Variants in HCN1 observed in about 807,000 individuals in gnomAD.
The protein encoded by HCN1 is hyperpolarization activated cyclic nucleotide gated potassium channel 1.
A neutral mutation model predicts 78.9 loss-of-function variants in HCN1; 13 were observed. The observed-to-expected ratio is 0.16, with a 90% CI of 0.11 to 0.26. The LOEUF (loss-of-function observed/expected upper bound fraction) is 0.26. Among genes scored for constraint, HCN1 ranks in the 10% least tolerant of loss-of-function variants. HCN1 has a pLI of 1.00. For missense variants in HCN1, 810 were observed against 1,154.3 expected (o/e 0.70, Z 4.32); for synonymous variants, 552 against 455.5 (o/e 1.21, Z -2.70).
At chr5:45,461,413 A>G (rs867418131) in intron 3 of HCN1, among the ~76,000 whole-genome samples, 2 of 152,246 alleles carry the variant, frequency 1.3e-5, no homozygotes, top group African/African-American at 4.8e-5. Context: ...TATTTAATCT[A>G]TATCTATGCT....
At chr5:45,449,468 A>G (rs1035243897) in intron 3 of HCN1, among the ~76,000 whole-genome samples, 2 of 152,200 alleles carry the variant, frequency 1.3e-5, no homozygotes, top group East Asian at 3.8e-4. Flanking sequence ...AGGCATGCCA[A>G]GAGCTCATCA....
intron 2 of HCN1, among the ~76,000 whole-genome samples, chr5:45,565,238 A>AT (rs949446282): frequency 6.6e-6 from 1 of 152,098 alleles, no homozygotes; most frequent in African/African-American, 2.4e-5. Flanking sequence ...TTAACTATAG[A>AT]TTTTTCTATC....
intron 5 of HCN1, among the ~76,000 whole-genome samples, chr5:45,352,219 T>A (rs1214514175): frequency 3.5e-4 from 54 of 152,164 alleles, no homozygotes; most frequent in Non-Finnish European, 1.5e-5. Flanking sequence ...GTTCATGTCC[T>A]TTGTAGGGAC....
At chr5:45,333,660 G>C (rs576029157) in intron 5 of HCN1, among the ~76,000 whole-genome samples, 2 of 151,802 alleles carry the variant, frequency 1.3e-5, no homozygotes, top group Non-Finnish European at 1.5e-5. Flanking sequence ...TTTGATTTTT[G>C]TATATGGCTA....
chr5:45,366,088 A>G (rs1747228926), intron 4 of HCN1, among the ~76,000 whole-genome samples: 2 of 151,788 alleles, frequency 1.3e-5, no homozygotes, highest in African/African-American at 4.8e-5. Flanking sequence ...GCAATAATTT[A>G]GATAAGTTTG....
At chr5:45,427,817 C>A (rs1307582502) in intron 3 of HCN1, among the ~76,000 whole-genome samples, 2 of 152,010 alleles carry the variant, frequency 1.3e-5, no homozygotes, top group Non-Finnish European at 2.9e-5. Context: ...AAGAGTATTA[C>A]AAGAGAGTAT....
intron 4 of HCN1, among the ~76,000 whole-genome samples, chr5:45,383,162 A>G (rs996990959): frequency 1.3e-5 from 2 of 152,136 alleles, no homozygotes; most frequent in Admixed American, 6.6e-5. Context: ...AACATTTTTC[A>G]GTGTGATGCT....
chr5:45,479,265 A>G (rs1462336457), intron 2 of HCN1, among the ~76,000 whole-genome samples: 1 of 152,180 alleles, frequency 6.6e-6, no homozygotes, highest in African/African-American at 2.4e-5. Flanking sequence ...AAGGGGAATC[A>G]GGGTAAAGAG....
At chr5:45,534,403 TCAAAAAAAAAAA>T (rs1742921494) in intron 2 of HCN1, among the ~76,000 whole-genome samples, 1 of 14,524 alleles carries the variant, frequency 6.9e-5, no homozygotes, top group Admixed American at 1.3e-3. Context: ...AGACTGCATC[TCAAAAAAAAAAA>T]AAAAAAAAAA....
chr5:45,459,445 G>A (rs1404392256), intron 3 of HCN1, among the ~76,000 whole-genome samples: 1 of 145,148 alleles, frequency 6.9e-6, no homozygotes, highest in Non-Finnish European at 1.5e-5. Flanking sequence ...ATTCTGGAAA[G>A]ATATTTTGTA....
intron 4 of HCN1, among the ~76,000 whole-genome samples, chr5:45,370,075 G>A (rs1747321964): frequency 6.6e-6 from 1 of 151,604 alleles, no homozygotes; most frequent in Admixed American, 6.6e-5. Flanking sequence ...ATAATGGTAT[G>A]AGATTCATAT....
At chr5:45,323,821 T>G (rs1171878670) in intron 5 of HCN1, among the ~76,000 whole-genome samples, 1 of 151,976 alleles carries the variant, frequency 6.6e-6, no homozygotes, top group Non-Finnish European at 1.5e-5. Flanking sequence ...GGTGTTTGGT[T>G]TTTTGTCCTT....
rs1281857068 is a variant in HCN1 at position 45,293,656 on chromosome 5, C to A, written c.1618+9943G>T. Among the ~76,000 whole-genome samples the A allele has an allele frequency of 2.0e-5, 3 of 151,966 alleles. No individual in the cohort carries two copies. In the East Asian group the frequency reaches 5.8e-4, roughly 30 times the overall value. On this transcript the variant is annotated intron_variant, in intron 6 of 7. Coordinates refer to ENST00000303230, the MANE Select transcript of HCN1 (RefSeq NM_021072.4). ...TATTAAAAAGAGAAAGACATTTTGA[C>A]TTCAAAATAAAATGTCTTCTTAATG... is the stretch of plus-strand genomic sequence containing the variant.
intron 1 of HCN1, among the ~76,000 whole-genome samples, chr5:45,652,405 T>C (rs1051110736): frequency 6.6e-6 from 1 of 151,912 alleles, no homozygotes; most frequent in African/African-American, 2.4e-5. Context: ...TTCTCAATTC[T>C]TATCTGACTC....
intron 1 of HCN1, among the ~76,000 whole-genome samples, chr5:45,681,089 T>C (rs1251169268): frequency 6.6e-6 from 1 of 152,082 alleles, no homozygotes; most frequent in Non-Finnish European, 1.5e-5. Flanking sequence ...GGCAGACCAA[T>C]TGTGCAAATT....
chr5:45,641,542 G>A (rs1010889126), intron 2 of HCN1, among the ~76,000 whole-genome samples: 26 of 152,060 alleles, frequency 1.7e-4, no homozygotes, highest in Non-Finnish European at 3.4e-4. Context: ...AGGTTGGGGA[G>A]ATAGGAAATG....
intron 1 of HCN1, among the ~76,000 whole-genome samples, chr5:45,674,758 G>A (rs1041578735): frequency 4.0e-5 from 6 of 151,620 alleles, no homozygotes; most frequent in African/African-American, 1.5e-4. Context: ...AAATAAGAAA[G>A]TATAGAATAA....
intron 4 of HCN1, among the ~76,000 whole-genome samples, chr5:45,354,895 TTAG>T (rs368688704): frequency 6.6e-6 from 1 of 152,140 alleles, no homozygotes; most frequent in African/African-American, 2.4e-5. Context: ...GCACTGAAAC[TTAG>T]TAGTATTTTA....
chr5:45,678,725 T>C (rs1342079033), intron 1 of HCN1, among the ~76,000 whole-genome samples: 1 of 152,040 alleles, frequency 6.6e-6, no homozygotes, highest in Non-Finnish European at 1.5e-5. Context: ...TTGGTTCTTG[T>C]AGTTTTCTGG....
Sources: allele counts gnomAD v4.1 joint callset (sites outside exome capture counted in the v4.1 genomes callset), GRCh38; gene constraint gnomAD v4.1.1; transcripts MANE v1.5; gene names NCBI Gene and HGNC (gene_info 2026-07-23, HGNC 2026-07-21).